The following PRPF39 variants were observed in gnomAD, a reference collection of about 807,000 sequenced individuals.
PRPF39 encodes the protein pre-mRNA-processing factor 39.
A neutral mutation model predicts 82.1 loss-of-function variants in PRPF39; 27 were observed. The ratio of observed to expected loss-of-function variants is 0.33; its 90% CI spans 0.24 to 0.45. The LOEUF is 0.45. PRPF39 is among the 20% of genes least tolerant of loss of function. PRPF39 has a pLI of 1.00. For missense variants in PRPF39, 581 were observed against 796.9 expected, an observed-to-expected ratio of 0.73 and a Z score of 3.26; for synonymous variants, 261 against 256.4, an observed-to-expected ratio of 1.02 and a Z score of -0.17.
chr14:45,101,790 G>A (rs142912821), intron 4 of PRPF39, among the ~76,000 whole-genome samples: 2 of 151,458 alleles, frequency 1.3e-5, no homozygotes, highest in African/African-American at 4.8e-5. Flanking sequence ...GCTTTTGAGA[G>A]GTTTAAAGTA....
chr14:45,096,532 T>C, intron 3 of PRPF39: 1 of 1,430,860 alleles, frequency 7.0e-7, no homozygotes, highest in Middle Eastern at 1.9e-4. Context: ...TTATTTCTCA[T>C]TTTCCAAACA....
intron 1 of PRPF39, among the ~76,000 whole-genome samples, chr14:45,093,800 C>T (rs1384111462): frequency 2.6e-5 from 4 of 152,130 alleles, no homozygotes; most frequent in Admixed American, 6.5e-5. Flanking sequence ...GGTGATCCGC[C>T]TGCCTCAGCC....
chr14:45,100,519 A>AAT (rs1884342470), intron 4 of PRPF39, among the ~76,000 whole-genome samples: 1 of 152,228 alleles, frequency 6.6e-6, no homozygotes, highest in South Asian at 2.1e-4. Flanking sequence ...CGATTCATTA[A>AAT]GTATACCTTC....
Position 45,089,986 on chromosome 14 carries a change from C to T in PRPF39, c.-19-5235C>T, listed in dbSNP as rs535718500. Among the ~76,000 whole-genome samples the T allele has an allele frequency of 3.3e-5, 5 of 152,278 alleles. No individual in the cohort carries two copies. In the East Asian group the frequency reaches 9.6e-4, roughly 29 times the overall value. ...GAGTAATTGACAGGCTCTGAAGATG[C>T]AGGGGTGTGGTAAATTTGCTGATTC... On this transcript the variant is annotated intron_variant, in intron 1 of 13. Coordinates refer to ENST00000355765, the MANE Select transcript of PRPF39 (RefSeq NM_017922.4).
intron 1 of PRPF39, among the ~76,000 whole-genome samples, chr14:45,093,657 G>T (rs532912299): frequency 1.3e-5 from 2 of 151,676 alleles, no homozygotes; most frequent in African/African-American, 2.4e-5. Context: ...CCAGGTTCAA[G>T]AGAGTCTCCT....
chr14:45,108,646 G>T (rs903706744), intron 7 of PRPF39, 124 bp downstream of exon 7: 3 of 1,252,930 alleles, frequency 2.4e-6, no homozygotes, highest in Non-Finnish European at 3.1e-6. Flanking sequence ...CATAACTTCA[G>T]ATGTTTGTCT....
intron 1 of PRPF39, among the ~76,000 whole-genome samples, chr14:45,089,349 C>T (rs1232557627): frequency 2.0e-5 from 3 of 152,212 alleles, no homozygotes; most frequent in East Asian, 1.9e-4. Context: ...TTTGAAGAGA[C>T]GATCCCTTCC....
chr14:45,103,353 C>T (rs373911854), intron 5 of PRPF39, among the ~76,000 whole-genome samples: 4 of 151,992 alleles, frequency 2.6e-5, no homozygotes, highest in South Asian at 2.1e-4. Context: ...TCTTTCTGAA[C>T]GAGTATGAGG....
At chr14:45,094,729 A>C (rs1355138815) in intron 1 of PRPF39, among the ~76,000 whole-genome samples, 2 of 152,222 alleles carry the variant, frequency 1.3e-5, no homozygotes, top group Non-Finnish European at 2.9e-5. Flanking sequence ...TATCTTTTCT[A>C]AAACTTTATC....
intron 1 of PRPF39, among the ~76,000 whole-genome samples, chr14:45,088,012 A>C (rs1334743000): frequency 6.6e-6 from 1 of 152,184 alleles, no homozygotes; most frequent in East Asian, 1.9e-4. Flanking sequence ...TGTTCAATGA[A>C]TTGAGTGTAT....
Position 45,114,686 on chromosome 14 carries a change from T to A in PRPF39, c.1953+72T>A, listed in dbSNP as rs10134385. Reference sequence around the variant, plus strand: ...TAAATTAGGATAGTTTCTTTTTTTTTAAAAAAAGTTTTTGTTCCAATTGTG... The same window carrying A: ...TAAATTAGGATAGTTTCTTTTTTTTAAAAAAAAGTTTTTGTTCCAATTGTG... On this transcript the variant is annotated intron_variant, in intron 13 of 13. Transcript: ENST00000355765. The A allele has an allele frequency of 0.011, 16,564 of 1,514,784 alleles. 1,224 individuals are homozygous for A. The African/African-American group carries it at 0.18, about 16-fold the overall frequency. The allele number at this position is 1,514,784 out of a possible 1,614,324, so 93.8% of individuals were successfully genotyped here. A position where few individuals can be genotyped will look rare whatever the true frequency, so the allele number is the denominator to read the frequency against.
At chr14:45,101,974 T>G (rs1884390312) in intron 4 of PRPF39, among the ~76,000 whole-genome samples, 1 of 151,314 alleles carries the variant, frequency 6.6e-6, no homozygotes, top group African/African-American at 2.4e-5. Flanking sequence ...GCCTGGCTAA[T>G]TTTTTGTATT....
At chr14:45,100,721 C>CT (rs1408182652) in intron 4 of PRPF39, among the ~76,000 whole-genome samples, 1 of 152,154 alleles carries the variant, frequency 6.6e-6, no homozygotes, top group Admixed American at 6.5e-5. Flanking sequence ...GCTCTTCAAT[C>CT]TTTTATTTCT....
intron 4 of PRPF39, among the ~76,000 whole-genome samples, chr14:45,099,788 CT>C (rs1884317925): frequency 6.6e-6 from 1 of 152,116 alleles, no homozygotes; most frequent in African/African-American, 2.4e-5. Context: ...CTGAGTGTTC[CT>C]TTTTTTATAC....
At chr14:45,114,777 A>T (rs1230950862) in intron 13 of PRPF39, 80 bp from the exon 14 acceptor site, 3 of 1,407,408 alleles carry the variant, frequency 2.1e-6, no homozygotes, top group African/African-American at 2.9e-5. Context: ...TTTCTTAAAC[A>T]TAGCTGCTTT....
At chr14:45,107,754 C>T (rs1007049976) in intron 6 of PRPF39, 138 bp downstream of exon 6, 13 of 801,880 alleles carry the variant, frequency 1.6e-5, no homozygotes, top group African/African-American at 1.6e-4. Flanking sequence ...CATGGTGAAA[C>T]CCTGTCTATA....
intron 4 of PRPF39, among the ~76,000 whole-genome samples, chr14:45,097,732 C>T (rs932582014): frequency 3.3e-5 from 5 of 152,124 alleles, no homozygotes; most frequent in South Asian, 2.1e-4. Flanking sequence ...TTTAAATTAC[C>T]TGTTGATATT....
chr14:45,096,026 TAAC>T lies in PRPF39; in HGVS notation c.325-76_325-74del, dbSNP rs2139044748. 2.3e-6 allele frequency: 3 copies of T among 1,285,032 alleles called. No individual in the cohort carries two copies. In the East Asian group the frequency reaches 7.8e-5, roughly 33 times the overall value. 79.6% of individuals were successfully genotyped at this position (1,285,032 alleles called of 1,614,324 possible). ...CATTTATTATTATTTTTTTAGATAA[TAAC>T]GTTTGAAAGGAATAATAAATATTTT... On this transcript the variant is annotated intron_variant, in intron 2 of 13. Coordinates refer to ENST00000355765, the MANE Select transcript of PRPF39 (RefSeq NM_017922.4).
rs900200128 is a variant in PRPF39 at position 45,112,634 on chromosome 14, GAT to G, written c.1757+139_1757+140del. 1.2e-4 allele frequency: 108 copies of G among 901,552 alleles called. No homozygotes were observed. In the African/African-American group the frequency reaches 1.7e-3, roughly 14 times the overall value. 55.8% of individuals were successfully genotyped at this position (901,552 alleles called of 1,614,324 possible). A position where few individuals can be genotyped will look rare whatever the true frequency, so the allele number is the denominator to read the frequency against. On this transcript the variant is annotated intron_variant, in intron 11 of 13. Coordinates refer to ENST00000355765, the MANE Select transcript of PRPF39 (RefSeq NM_017922.4). ...GTTCGCTTAGTTTACTTTTTCCTCA[GAT>G]ATATATGGGGGTAAATTCAATTTTG...
Sources: gnomAD v4.1 joint callset for allele counts (sites outside exome capture counted in the v4.1 genomes callset) on GRCh38, gnomAD v4.1.1 for gene constraint, MANE v1.5 for transcripts, NCBI Gene and HGNC (gene_info 2026-07-23, HGNC 2026-07-21) for gene names.